Variants in DNAI7 observed in about 807,000 individuals in gnomAD.
DNAI7 encodes the protein dynein axonemal intermediate chain 7.
A neutral mutation model predicts 86.6 loss-of-function variants in DNAI7; 78 were observed. The ratio of observed to expected loss-of-function variants is 0.90; its 90% CI spans 0.75 to 1.09. DNAI7 has a LOEUF of 1.09. Ranked by LOEUF, DNAI7 falls within the 50% of genes least tolerant of loss-of-function variation. The probability of loss-of-function intolerance (pLI) is 0.00; values close to 1 mark genes in which losing one functional copy is unlikely to be tolerated. For synonymous variants in DNAI7, 274 were observed against 273.0 expected (o/e 1.00, Z -0.04); for missense variants, 753 against 810.2 (o/e 0.93, Z 0.86).
chr12:25,158,388 T>C, intron 4 of DNAI7, 84 bp downstream of exon 4: 1 of 1,043,288 alleles, frequency 9.6e-7, no homozygotes. Flanking sequence ...CTGGTAGCTA[T>C]GGGCTGAGAA....
At chr12:25,137,056 C>T (rs1471669676) in intron 9 of DNAI7, among the ~76,000 whole-genome samples, 1 of 152,096 alleles carries the variant, frequency 6.6e-6, no homozygotes, top group Non-Finnish European at 1.5e-5. Flanking sequence ...ACACAAGAAG[C>T]TCAAATAATG....
At chr12:25,154,926 CCACAATCTTTA>C (rs1945975242) in intron 5 of DNAI7, among the ~76,000 whole-genome samples, 1 of 152,130 alleles carries the variant, frequency 6.6e-6, no homozygotes, top group African/African-American at 2.4e-5. Context: ...CTTGATTATA[CCACAATCTTTA>C]GCCATATTAT....
At position 25,108,689 on chromosome 12, in the gene DNAI7, A is replaced by G. The variant is rs554988911; in HGVS notation, c.2028T>C (p.Thr676=). The change falls in exon 16 of 16, where the codon ACT becomes ACC. Residue 676 remains threonine (T), a synonymous_variant. Coordinates refer to ENST00000395987, the MANE Select transcript of DNAI7 (RefSeq NM_018272.5). The part of the protein sequence containing the change: ...EAFSEALKEE[T]EFHSTLYHMV... ...TGTGATATAAAGTAGAATGAAACTC[A>G]GTTTCTTCTTTAAGTGCTTCAGAAA... The G allele has an allele frequency of 5.6e-6, 9 of 1,613,704 alleles. No homozygotes were observed. In the African/African-American group the frequency reaches 6.7e-5, roughly 12 times the overall value.
At chr12:25,153,234 C>T (rs1244768466) in intron 6 of DNAI7, among the ~76,000 whole-genome samples, 1 of 152,048 alleles carries the variant, frequency 6.6e-6, no homozygotes, top group Non-Finnish European at 1.5e-5. Flanking sequence ...CCATCCTGGC[C>T]AACATGGTGA....
intron 15 of DNAI7, among the ~76,000 whole-genome samples, chr12:25,109,712 CT>C (rs1313853045): frequency 6.6e-6 from 1 of 151,762 alleles, no homozygotes; most frequent in East Asian, 1.9e-4. Context: ...GAATTTTGCT[CT>C]TGTTGCCCAG....
At chr12:25,164,024 C>T (rs1947139157) in intron 2 of DNAI7, among the ~76,000 whole-genome samples, 1 of 152,216 alleles carries the variant, frequency 6.6e-6, no homozygotes, top group Non-Finnish European at 1.5e-5. Flanking sequence ...ACCCATGTTT[C>T]AGAGGTGTCT....
At chr12:25,112,561 C>A (rs539189044) in intron 13 of DNAI7, among the ~76,000 whole-genome samples, 1 of 151,888 alleles carries the variant, frequency 6.6e-6, no homozygotes, top group African/African-American at 2.4e-5. Context: ...CGCCCACCAC[C>A]ACACCCGGCT....
Position 25,190,616 on chromosome 12 carries a change from T to G in DNAI7, c.19A>C (p.Lys7Gln). ...ATTTTGAAAAAAATTCTACATACCT[T>G]TTTTGCTTTGGGACCCTAAAAGTTG... is the stretch of plus-strand genomic sequence containing the variant. The part of the protein sequence containing the change: MGPKAK[K>Q]SGSKKKKVTK... Residue 7 changes from lysine (K) to glutamine (Q), a missense_variant and splice_region_variant, in exon 2 of 16, where the codon AAG (lysine) becomes CAG (glutamine). Lys to Gln is a moderately conservative substitution (Grantham distance 53, BLOSUM62 1). Coordinates refer to ENST00000395987, the MANE Select transcript of DNAI7 (RefSeq NM_018272.5). The G allele has an allele frequency of 7.1e-7, 1 of 1,406,552 alleles. No individual in the cohort carries two copies. Among genetic ancestry groups the G allele is most frequent in the Non-Finnish European group, 9.7e-7 (1 of 1,025,850 alleles). The allele number at this position is 1,406,552 out of a possible 1,614,324, so 87.1% of individuals were successfully genotyped here.
At chr12:25,112,564 A>G (rs557856253) in intron 13 of DNAI7, among the ~76,000 whole-genome samples, 36 of 150,738 alleles carry the variant, frequency 2.4e-4, no homozygotes, top group South Asian at 6.3e-4. Flanking sequence ...CCACCACCAC[A>G]CCCGGCTAAT....
In DNAI7 at chr12:25,144,410, T is replaced by C; in HGVS notation, c.957A>G (p.Glu319=). 1 of 1,614,016 alleles carries C rather than the reference T, an allele frequency of 6.2e-7. No individual in the cohort carries two copies. Among genetic ancestry groups the C allele is most frequent in the Non-Finnish European group, 8.5e-7 (1 of 1,179,968 alleles). The part of the protein sequence containing the change: ...QERGSHLIQE[E]EIKVEEEQGD... ...CTTGTTCCTCCTCAACTTTTATTTCTTCCTCCTGAATTAAGTGAGACCCTC... is the reference window on the plus strand; with the variant it reads ...CTTGTTCCTCCTCAACTTTTATTTCCTCCTCCTGAATTAAGTGAGACCCTC... Residue 319 remains glutamate (E), a synonymous_variant, in exon 9 of 16, where the codon GAA becomes GAG. Coordinates refer to ENST00000395987, the MANE Select transcript of DNAI7 (RefSeq NM_018272.5).
chr12:25,174,333 T>C (rs1276343525), intron 2 of DNAI7, among the ~76,000 whole-genome samples: 2 of 131,810 alleles, frequency 1.5e-5, no homozygotes, highest in African/African-American at 5.7e-5. Flanking sequence ...ATTTGTATCA[T>C]ATATGATATA....
rs771999123 is a variant in DNAI7 at position 25,123,290 on chromosome 12, T to TA, written c.1003-5dup. Reference sequence around the variant, plus strand: ...CAGATTCTTCCTCAGCAGAACTCTATAAAAAACCACAGACATATGGGTGTG... The same window carrying TA: ...CAGATTCTTCCTCAGCAGAACTCTATAAAAAAACCACAGACATATGGGTGTG... On this transcript the variant is annotated splice_region_variant and splice_polypyrimidine_tract_variant and intron_variant, in intron 9 of 15. Transcript: ENST00000395987. 28 of 1,598,524 alleles carry TA rather than the reference T, an allele frequency of 1.8e-5. No individual in the cohort carries two copies. The highest frequency in any genetic ancestry group is 2.4e-5 in the Non-Finnish European group (28 of 1,171,840).
chr12:25,145,338 C>T (rs952417784), intron 8 of DNAI7, among the ~76,000 whole-genome samples: 4 of 152,166 alleles, frequency 2.6e-5, no homozygotes, highest in Admixed American at 2.0e-4. Context: ...GAGCACAGAA[C>T]TCATCATCCT....
In DNAI7 at chr12:25,108,523, T is replaced by C. The variant is rs1274315157; in HGVS notation, c.*25A>G. 6.3e-7 allele frequency: 1 copy of C among 1,595,390 alleles called. No homozygotes were observed. Among genetic ancestry groups the C allele is most frequent in the East Asian group, 2.2e-5 (1 of 44,578 alleles). ...TTTCACCATGCTTGGTTCTTCATAC[T>C]TACAATACAGTTTGTAAGTGGAGGT... On this transcript the variant is annotated 3_prime_UTR_variant, in exon 16 of 16. Transcript: ENST00000395987.
intron 9 of DNAI7, among the ~76,000 whole-genome samples, chr12:25,134,147 AC>A (rs1023375036): frequency 6.6e-6 from 1 of 152,024 alleles, no homozygotes; most frequent in East Asian, 1.9e-4. Context: ...GGCACATGCC[AC>A]CACATCCGGC....
chr12:25,166,969 C>T (rs1403514861), intron 2 of DNAI7, among the ~76,000 whole-genome samples: 2 of 152,158 alleles, frequency 1.3e-5, no homozygotes, highest in African/African-American at 4.8e-5. Flanking sequence ...CCACAATTAC[C>T]ATTGTTCCTG....
downstream of DNAI7, chr12:25,107,735 A>AC (rs1213888565): frequency 7.4e-5 from 101 of 1,365,492 alleles, no homozygotes; most frequent in African/African-American, 1.3e-3. Context: ...AGGGCAGATC[A>AC]CCTGACTGGT....
intron 9 of DNAI7, among the ~76,000 whole-genome samples, chr12:25,127,005 G>C (rs1416285859): frequency 6.6e-6 from 1 of 152,134 alleles, no homozygotes; most frequent in African/African-American, 2.4e-5. Context: ...AGTTTCTATA[G>C]TACCACATCA....
intron 7 of DNAI7, among the ~76,000 whole-genome samples, chr12:25,147,687 T>C (rs145675205): frequency 8.2e-4 from 125 of 152,222 alleles, no homozygotes; most frequent in Middle Eastern, 3.4e-3. Flanking sequence ...GCTTCTACAT[T>C]TCTGGGTAGC....
Sources: allele counts gnomAD v4.1 joint callset (sites outside exome capture counted in the v4.1 genomes callset), GRCh38; gene constraint gnomAD v4.1.1; transcripts MANE v1.5; gene names NCBI Gene and HGNC (gene_info 2026-07-23, HGNC 2026-07-21).